Variants in MTM1 observed in about 807,000 individuals in gnomAD.
The protein encoded by MTM1 is myotubularin.
A neutral mutation model predicts 52.1 loss-of-function variants in MTM1; 9 were observed. That is an observed-to-expected ratio of 0.17 (90% CI 0.10 to 0.30). The LOEUF (loss-of-function observed/expected upper bound fraction) is 0.30, where lower values mean the gene tolerates loss of function less well. Among genes scored for constraint, MTM1 ranks in the 10% least tolerant of loss-of-function variants. The pLI, the probability that MTM1 is intolerant of heterozygous loss-of-function variation, is 1.00. For synonymous variants in MTM1, 136 were observed against 163.8 expected (o/e 0.83, Z 1.29); for missense variants, 277 against 470.7 (o/e 0.59, Z 3.81).
chrX:150,650,616 A>G (rs1350342530), intron 10 of MTM1, among the ~76,000 whole-genome samples: 2 of 111,085 alleles, frequency 1.8e-5, no homozygotes, highest in East Asian at 5.6e-4. Flanking sequence ...TGAGCTAATC[A>G]TCAAGTACCA....
intron 13 of MTM1, among the ~76,000 whole-genome samples, chrX:150,660,764 ACT>A (rs2040206379): frequency 9.0e-6 from 1 of 111,513 alleles, no homozygotes. Flanking sequence ...GGCTGCTTCC[ACT>A]CATGGCAGAA....
At chrX:150,606,702 T>C (rs910075212) in intron 4 of MTM1, among the ~76,000 whole-genome samples, 1 of 111,514 alleles carries the variant, frequency 9.0e-6, no homozygotes, top group Non-Finnish European at 1.9e-5. Flanking sequence ...CTCTGGAGTC[T>C]TAGTTCCCCA....
intron 3 of MTM1, among the ~76,000 whole-genome samples, chrX:150,597,426 C>T (rs1246381548): frequency 8.9e-6 from 1 of 111,987 alleles, no homozygotes; most frequent in African/African-American, 3.2e-5. Flanking sequence ...ATGTGTTCAT[C>T]CCAATTTCTG....
intron 1 of MTM1, among the ~76,000 whole-genome samples, chrX:150,585,062 GGAGAGAGA>G (rs368036277): frequency 1.1e-4 from 11 of 101,104 alleles, no homozygotes; most frequent in East Asian, 6.0e-4. Context: ...ACAGAGAAGT[GGAGAGAGA>G]GAGAGAGAGA....
intron 14 of MTM1, among the ~76,000 whole-genome samples, chrX:150,665,002 T>C (rs1225419275): frequency 8.9e-6 from 1 of 111,962 alleles, no homozygotes; most frequent in African/African-American, 3.2e-5. Flanking sequence ...AGTTTGAGGG[T>C]ACATCATTAG....
intron 13 of MTM1, 177 bp from the exon 14 acceptor site, chrX:150,663,256 G>A (rs182308740): frequency 1.7e-5 from 8 of 484,091 alleles, no homozygotes; most frequent in East Asian, 7.8e-5. Context: ...TGCAAATATC[G>A]ATAAGTGGCT....
intron 1 of MTM1, among the ~76,000 whole-genome samples, chrX:150,571,326 G>C (rs1307233056): frequency 8.9e-6 from 1 of 111,969 alleles, no homozygotes; most frequent in Middle Eastern, 4.6e-3. Context: ...AGATGTGGGG[G>C]ATAGGGACCG....
intron 1 of MTM1, among the ~76,000 whole-genome samples, chrX:150,580,475 C>T (rs938602284): frequency 2.7e-5 from 3 of 110,907 alleles, no homozygotes; most frequent in Admixed American, 1.9e-4. Flanking sequence ...CCTCTCTTTC[C>T]TTGCCATTCT....
intron 1 of MTM1, among the ~76,000 whole-genome samples, chrX:150,575,310 C>A (rs1165232388): frequency 8.9e-6 from 1 of 112,536 alleles, no homozygotes; most frequent in Non-Finnish European, 1.9e-5. Flanking sequence ...GTTTTACATA[C>A]TTGCTGCCCT....
intron 4 of MTM1, among the ~76,000 whole-genome samples, chrX:150,611,555 C>G (rs2039278025): frequency 8.9e-6 from 1 of 111,888 alleles, no homozygotes; most frequent in South Asian, 3.7e-4. Context: ...TCCTTTGTAC[C>G]TATTACTGAG....
chrX:150,577,186 T>G lies in MTM1; in HGVS notation c.-11+8524T>G, dbSNP rs186589022. Among the ~76,000 whole-genome samples the G allele has an allele frequency of 3.4e-3, 384 of 112,259 alleles. 3 individuals carry two copies. The highest frequency in any genetic ancestry group is 0.011 in the African/African-American group (354 of 30,922). Reference sequence around the variant, plus strand: ...TGCTGAGTAGTATTCCATAGTATGGTTATAATGTAATTTATTCATTCAGTA... The same window carrying G: ...TGCTGAGTAGTATTCCATAGTATGGGTATAATGTAATTTATTCATTCAGTA... On this transcript the variant is annotated intron_variant, in intron 1 of 14. Transcript: ENST00000370396.
intron 2 of MTM1, among the ~76,000 whole-genome samples, chrX:150,595,954 G>A (rs1477565105): frequency 1.8e-5 from 2 of 112,199 alleles, no homozygotes; most frequent in Non-Finnish European, 3.8e-5. Flanking sequence ...CTCTTATTAG[G>A]ACAGGGATCT....
At chrX:150,636,143 G>T (rs2039749676) in intron 6 of MTM1, among the ~76,000 whole-genome samples, 1 of 111,295 alleles carries the variant, frequency 9.0e-6, no homozygotes, top group African/African-American at 3.3e-5. Flanking sequence ...ACTCATTCTG[G>T]ATATTAGTCA....
chrX:150,617,148 A>T (rs2039400071), intron 5 of MTM1, among the ~76,000 whole-genome samples: 2 of 113,018 alleles, frequency 1.8e-5, no homozygotes, highest in Non-Finnish European at 3.7e-5. Flanking sequence ...TGGCAAAAAG[A>T]AGTTACTTGA....
chrX:150,664,165 C>T (rs1273842962), intron 14 of MTM1, among the ~76,000 whole-genome samples: 1 of 112,721 alleles, frequency 8.9e-6, no homozygotes. Flanking sequence ...TAAAGACACA[C>T]TTGGGCTTTC....
chrX:150,664,324 C>G (rs782225775), intron 14 of MTM1, among the ~76,000 whole-genome samples: 2 of 112,719 alleles, frequency 1.8e-5, no homozygotes, highest in African/African-American at 6.4e-5. Flanking sequence ...TGTGGGTGGT[C>G]GACTACCTGT....
Position 150,645,730 on chromosome X carries a change from C to T in MTM1, c.726C>T (p.Cys242=), listed in dbSNP as rs2039919467. The T allele has an allele frequency of 8.3e-7, 1 of 1,211,267 alleles. No individual in the cohort carries two copies. ...AAAATAAGACGGTCATTGTGCGTTG[C>T]AGTCAGCCTCTTGTCGGTATGAGTG... ...HPENKTVIVR[C]SQPLVGMSGK... The change falls in exon 9 of 15, where the codon TGC becomes TGT. Residue 242 remains cysteine, a synonymous_variant. Transcript: ENST00000370396.
intron 1 of MTM1, among the ~76,000 whole-genome samples, chrX:150,585,001 G>A (rs2038758219): frequency 1.8e-5 from 2 of 110,344 alleles, no homozygotes; most frequent in South Asian, 7.8e-4. Flanking sequence ...ATCCCTAGAT[G>A]TGGAACTCCT....
intron 13 of MTM1, among the ~76,000 whole-genome samples, chrX:150,662,579 C>T (rs1186104304): frequency 1.8e-5 from 2 of 111,977 alleles, no homozygotes; most frequent in African/African-American, 6.5e-5. Flanking sequence ...CTGCCTCAGC[C>T]TCCCAAAGTG....
Sources: allele counts gnomAD v4.1 joint callset (sites outside exome capture counted in the v4.1 genomes callset), GRCh38; gene constraint gnomAD v4.1.1; transcripts MANE v1.5; gene names NCBI Gene and HGNC (gene_info 2026-07-23, HGNC 2026-07-21).